The following MXI1 variants were observed in gnomAD, a reference collection of about 807,000 sequenced individuals.
The protein encoded by MXI1 is MAX interactor 1, dimerization protein.
In MXI1, 18 loss-of-function variants were observed where a neutral mutation model predicts 36.9. The ratio of observed to expected loss-of-function variants is 0.49; its 90% CI spans 0.34 to 0.72. The LOEUF (loss-of-function observed/expected upper bound fraction) is 0.72. Ranked by LOEUF, MXI1 falls within the 30% of genes least tolerant of loss-of-function variation. The pLI, the probability that MXI1 is intolerant of heterozygous loss-of-function variation, is 0.01. For synonymous variants in MXI1, 160 were observed against 146.7 expected (o/e 1.09, Z -0.65); for missense variants, 304 against 379.1 (o/e 0.80, Z 1.64).
chr10:110,236,522 C>G (rs1366786565), intron 2 of MXI1, among the ~76,000 whole-genome samples: 1 of 152,128 alleles, frequency 6.6e-6, no homozygotes, highest in Non-Finnish European at 1.5e-5. Context: ...GTGGCATGAT[C>G]ATGGCCCACT....
chr10:110,231,368 C>A (rs1046006940), intron 2 of MXI1, among the ~76,000 whole-genome samples: 1 of 150,596 alleles, frequency 6.6e-6, no homozygotes. Context: ...ATCCACCCCC[C>A]CCCCCTCAAA....
chr10:110,255,978 T>C (rs1856275245), intron 3 of MXI1, among the ~76,000 whole-genome samples: 2 of 152,276 alleles, frequency 1.3e-5, no homozygotes, highest in South Asian at 4.1e-4. Flanking sequence ...ACTTACTGAT[T>C]AGTGGAATAG....
At chr10:110,255,895 T>C (rs1856271588) in intron 3 of MXI1, among the ~76,000 whole-genome samples, 1 of 152,148 alleles carries the variant, frequency 6.6e-6, no homozygotes, top group Admixed American at 6.6e-5. Flanking sequence ...GTTGGAGAGC[T>C]TGCATTTCCT....
intron 3 of MXI1, among the ~76,000 whole-genome samples, chr10:110,253,439 A>G (rs1235806332): frequency 3.3e-5 from 5 of 152,120 alleles, no homozygotes; most frequent in African/African-American, 7.2e-5. Context: ...CAGGAAGAAC[A>G]TATCTGAAAT....
chr10:110,237,639 C>T (rs761862128), intron 2 of MXI1, among the ~76,000 whole-genome samples: 3 of 152,294 alleles, frequency 2.0e-5, no homozygotes, highest in Middle Eastern at 3.4e-3. Context: ...TGTCTGCCCT[C>T]GCTACAGATG....
Position 110,285,104 on chromosome 10 carries a change from CAAAA to C in MXI1, c.*118_*121del. 1 of 1,036,522 alleles carries C rather than the reference CAAAA, an allele frequency of 9.6e-7. No homozygotes were observed. The highest frequency in any genetic ancestry group is 1.3e-6 in the Non-Finnish European group (1 of 756,116). 64.2% of individuals were successfully genotyped at this position (1,036,522 alleles called of 1,614,324 possible). A position where few individuals can be genotyped will look rare whatever the true frequency, so the allele number is the denominator to read the frequency against. On this transcript the variant is annotated 3_prime_UTR_variant, in exon 6 of 6. Transcript: ENST00000332674. ...CTCTTTAAAACAAAACAAAACAAAA[CAAAA>C]CTATACTTGAACAAAAGGGTCAGAG...
chr10:110,250,847 AAT>A (rs1554856833), intron 3 of MXI1, among the ~76,000 whole-genome samples: 9 of 149,066 alleles, frequency 6.0e-5, no homozygotes, highest in Non-Finnish European at 1.2e-4. Context: ...AAAAAAAAAA[AAT>A]AACAACTTTA....
At chr10:110,236,649 T>C (rs566689735) in intron 2 of MXI1, among the ~76,000 whole-genome samples, 1 of 152,266 alleles carries the variant, frequency 6.6e-6, no homozygotes, top group East Asian at 1.9e-4. Context: ...TTTGTAGAGA[T>C]AGGCTTTCAC....
chr10:110,275,197 A>C (rs374913720), intron 3 of MXI1, among the ~76,000 whole-genome samples: 1 of 152,180 alleles, frequency 6.6e-6, no homozygotes, highest in East Asian at 1.9e-4. Context: ...TTTTCAAATC[A>C]AACCAAGCTT....
At chr10:110,224,718 G>A (rs1048123868) in intron 1 of MXI1, among the ~76,000 whole-genome samples, 1 of 151,104 alleles carries the variant, frequency 6.6e-6, no homozygotes, top group Non-Finnish European at 1.5e-5. Context: ...CGTGATCTCG[G>A]CTCACTGCAA....
At chr10:110,241,874 T>C (rs901922290) in intron 2 of MXI1, among the ~76,000 whole-genome samples, 4 of 152,034 alleles carry the variant, frequency 2.6e-5, no homozygotes, top group South Asian at 4.1e-4. Flanking sequence ...CACAGTAACC[T>C]GGCCAAGGCA....
chr10:110,282,183 G>T (rs1427493800), intron 5 of MXI1, among the ~76,000 whole-genome samples: 1 of 152,116 alleles, frequency 6.6e-6, no homozygotes, highest in Non-Finnish European at 1.5e-5. Context: ...ACTATTTTTT[G>T]ATTATATCAT....
intron 1 of MXI1, chr10:110,226,073 G>C (rs1367552573): frequency 9.6e-7 from 1 of 1,037,746 alleles, no homozygotes; most frequent in South Asian, 4.5e-5. Context: ...GGCGGAGAGC[G>C]CGCCGAGCCG....
chr10:110,228,423 C>T (rs1273917124), intron 2 of MXI1, 102 bp downstream of exon 2: 11 of 1,401,422 alleles, frequency 7.8e-6, no homozygotes, highest in Admixed American at 5.9e-5. Context: ...GTTCCTTTAC[C>T]ACTACCCTGG....
chr10:110,269,765 C>T (rs1221541936), intron 3 of MXI1, among the ~76,000 whole-genome samples: 5 of 152,278 alleles, frequency 3.3e-5, no homozygotes, highest in Middle Eastern at 3.4e-3. Flanking sequence ...CTATTGACAT[C>T]ACTGTGTTTC....
intron 3 of MXI1, among the ~76,000 whole-genome samples, chr10:110,266,953 C>T (rs1424696537): frequency 6.6e-6 from 1 of 152,052 alleles, no homozygotes; most frequent in Non-Finnish European, 1.5e-5. Flanking sequence ...TAATAGAATC[C>T]TTTATTTTCT....
chr10:110,286,833 G>A lies in MXI1; in HGVS notation c.*1846G>A, dbSNP rs1037121119. 3.3e-5 allele frequency: 5 copies of A among 152,220 alleles called. No individual in the cohort carries two copies. Among genetic ancestry groups the A allele is most frequent in the African/African-American group, 7.2e-5 (3 of 41,456 alleles). The allele number at this position is 152,220 out of a possible 1,614,324, so 9.4% of individuals were successfully genotyped here. ...AAGAAATTCTTTGAAGTAGATGTGAGTGAAAAACTGCATGCCTTTAGAAGC... is the reference window on the plus strand; with the variant it reads ...AAGAAATTCTTTGAAGTAGATGTGAATGAAAAACTGCATGCCTTTAGAAGC... On this transcript the variant is annotated 3_prime_UTR_variant, in exon 6 of 6. Transcript: ENST00000332674.
At chr10:110,250,330 T>C (rs1240930167) in intron 3 of MXI1, among the ~76,000 whole-genome samples, 1 of 152,176 alleles carries the variant, frequency 6.6e-6, no homozygotes, top group East Asian at 1.9e-4. Context: ...TTGTTCTGCA[T>C]TCCTCAGGAA....
At chr10:110,228,032 G>T (rs1855122327) in intron 1 of MXI1, 157 bp from the exon 2 acceptor site, 3 of 757,486 alleles carry the variant, frequency 4.0e-6, no homozygotes, top group Admixed American at 2.5e-5. Flanking sequence ...TTGATGTCCA[G>T]GCGAGGGACA....
Sources: allele counts gnomAD v4.1 joint callset (sites outside exome capture counted in the v4.1 genomes callset), GRCh38; gene constraint gnomAD v4.1.1; transcripts MANE v1.5; gene names NCBI Gene and HGNC (gene_info 2026-07-23, HGNC 2026-07-21).